Variants in CIB2 observed in about 807,000 individuals in gnomAD.
CIB2 encodes calcium and integrin binding family member 2.
In CIB2, 19 loss-of-function variants were observed where a neutral mutation model predicts 23.1. That is an observed-to-expected ratio of 0.82 (90% CI 0.57 to 1.21). The LOEUF (loss-of-function observed/expected upper bound fraction) is 1.21, where lower values mean the gene tolerates loss of function less well. CIB2 is among the 50% of genes most tolerant of loss of function. The pLI is 0.00. For missense variants in CIB2, 220 were observed against 241.5 expected, an observed-to-expected ratio of 0.91 and a Z score of 0.59; for synonymous variants, 94 against 91.7, an observed-to-expected ratio of 1.03 and a Z score of -0.14.
At position 78,106,447 on chromosome 15, in the gene CIB2, C is replaced by T. The variant is rs756564568; in HGVS notation, c.347-513G>A. The stretch of plus-strand genomic sequence containing the variant: ...CTCAGTGGTGTGTGACCAGAAGACA[C>T]GGTGGGTCAGGAGACTCAAAATCAA... On this transcript the variant is annotated intron_variant, in intron 4 of 5. Coordinates refer to ENST00000258930, the MANE Select transcript of CIB2 (RefSeq NM_006383.4). Among the ~76,000 whole-genome samples the T allele has an allele frequency of 3.3e-5, 5 of 152,280 alleles. No homozygotes were observed. In the East Asian group the frequency reaches 9.7e-4, roughly 29 times the overall value.
chr15:78,131,312 G>T lies in CIB2; in HGVS notation c.-97C>A. The T allele has an allele frequency of 9.7e-7, 1 of 1,027,610 alleles. No homozygotes were observed. The highest frequency in any genetic ancestry group is 1.2e-6 in the Non-Finnish European group (1 of 828,214). 63.7% of individuals were successfully genotyped at this position (1,027,610 alleles called of 1,614,324 possible). On this transcript the variant is annotated 5_prime_UTR_variant, in exon 1 of 6. In the 5' UTR this introduces an upstream ATG that the reference lacks. Transcript: ENST00000258930. This position sits in a 1 kb window ranked among gnomAD's most constrained non-coding sequence, Gnocchi z 5.8. ...CGCCCCGTGCCCGCGGCCCTCGGCA[G>T]CCCCGCGGCTGGCAGCGGCCCACGG...
At chr15:78,128,646 ACAC>A (rs1470620169) in intron 1 of CIB2, among the ~76,000 whole-genome samples, 1 of 151,036 alleles carries the variant, frequency 6.6e-6, no homozygotes, top group African/African-American at 2.4e-5. Flanking sequence ...AGCCGAGATC[ACAC>A]CACTGCACTC....
intron 3 of CIB2, among the ~76,000 whole-genome samples, chr15:78,110,939 T>C (rs759215891): frequency 3.3e-5 from 5 of 152,206 alleles, no homozygotes; most frequent in Non-Finnish European, 7.4e-5. Context: ...CACAAGCCCA[T>C]GGCCTGCAGT....
chr15:78,131,146 C>A lies in CIB2; in HGVS notation c.51+19G>T, dbSNP rs2074449600. ...GGGGCGGCGGGGCCTGTGTTGGGGG[C>A]CGGGCGCGCCGAGCTCACCTGGTAG... On this transcript the variant is annotated intron_variant, in intron 1 of 5. Coordinates refer to ENST00000258930, the MANE Select transcript of CIB2 (RefSeq NM_006383.4). This position sits in a 1 kb window ranked among gnomAD's most constrained non-coding sequence, Gnocchi z 5.8. 3.8e-6 allele frequency: 6 copies of A among 1,574,352 alleles called. No individual in the cohort carries two copies. The African/African-American group carries it at 5.4e-5, about 14-fold the overall frequency.
At chr15:78,128,561 C>T (rs1400521798) in intron 1 of CIB2, among the ~76,000 whole-genome samples, 1 of 152,074 alleles carries the variant, frequency 6.6e-6, no homozygotes, top group Non-Finnish European at 1.5e-5. Context: ...CCTGTAATCC[C>T]AGCTACTTGG....
chr15:78,107,167 G>A lies in CIB2; in HGVS notation c.347-1233C>T, dbSNP rs148770043. Among the ~76,000 whole-genome samples the A allele has an allele frequency of 7.7e-3, 1,178 of 152,192 alleles. 19 individuals are homozygous for A. Among genetic ancestry groups the A allele is most frequent in the African/African-American group, 0.027 (1,114 of 41,526 alleles). ...GGAGAATGGCGTGAACCCAGGAGGC[G>A]GAGCTTGCAGTGAGCTGAGATCGCA... is the stretch of plus-strand genomic sequence containing the variant. On this transcript the variant is annotated intron_variant, in intron 4 of 5. Coordinates refer to ENST00000258930, the MANE Select transcript of CIB2 (RefSeq NM_006383.4).
intron 4 of CIB2, among the ~76,000 whole-genome samples, chr15:78,108,438 G>T (rs1487436250): frequency 6.6e-6 from 1 of 152,114 alleles, no homozygotes; most frequent in African/African-American, 2.4e-5. Context: ...CCAGCAGAGG[G>T]GGTGAGCTCG....
chr15:78,111,349 C>T (rs897373243), intron 2 of CIB2, 73 bp from the exon 3 acceptor site: 3 of 1,232,794 alleles, frequency 2.4e-6, no homozygotes, highest in Non-Finnish European at 3.5e-6. Context: ...TGCTGTCCTG[C>T]CTAGGCCTCT....
intron 1 of CIB2, among the ~76,000 whole-genome samples, chr15:78,128,338 T>C (rs1404013014): frequency 2.0e-5 from 3 of 152,088 alleles, no homozygotes; most frequent in Non-Finnish European, 4.4e-5. Context: ...CTAGAAGCCC[T>C]TCAGTGTGCC....
intron 4 of CIB2, among the ~76,000 whole-genome samples, chr15:78,108,517 C>A (rs899225423): frequency 1.3e-5 from 2 of 152,160 alleles, no homozygotes; most frequent in African/African-American, 4.8e-5. Flanking sequence ...TGCCCGCCGC[C>A]CTCTGGTGGC....
chr15:78,107,801 T>G (rs2074093339), intron 4 of CIB2, among the ~76,000 whole-genome samples: 1 of 152,216 alleles, frequency 6.6e-6, no homozygotes, highest in Non-Finnish European at 1.5e-5. Context: ...GGCAGGTATT[T>G]TCTTTCTAAT....
Position 78,105,163 on chromosome 15 carries a change from T to A in CIB2, c.*148A>T. On this transcript the variant is annotated 3_prime_UTR_variant, in exon 6 of 6. Transcript: ENST00000258930. ...CACAGGCCCCCTTCCTGGTTAAGGT[T>A]TTTTTTTTGCTGAAAGGGCCACAGG... The A allele has an allele frequency of 3.5e-6, 4 of 1,128,716 alleles. No homozygotes were observed. Among genetic ancestry groups the A allele is most frequent in the Non-Finnish European group, 5.1e-6 (4 of 791,730 alleles). The allele number at this position is 1,128,716 out of a possible 1,614,324, so 69.9% of individuals were successfully genotyped here.
At chr15:78,125,902 C>A (rs1290480268) in intron 1 of CIB2, among the ~76,000 whole-genome samples, 1 of 152,184 alleles carries the variant, frequency 6.6e-6, no homozygotes, top group African/African-American at 2.4e-5. Flanking sequence ...CAACGTGCAA[C>A]CCAGGCTGAA....
chr15:78,116,002 G>A lies in CIB2; in HGVS notation c.87-4726C>T, dbSNP rs1203981217. Among the ~76,000 whole-genome samples the A allele has an allele frequency of 1.7e-4, 25 of 148,578 alleles. No individual in the cohort carries two copies. The East Asian group carries it at 4.7e-3, about 28-fold the overall frequency. ...GTCAACTGAAGACAGAAAATATTTG[G>A]AAAAAAAAAATTGCATCTACGCTAA... On this transcript the variant is annotated intron_variant, in intron 2 of 5. Transcript: ENST00000258930.
rs765275802 is a variant in CIB2 at position 78,105,300 on chromosome 15, C to A, written c.*11G>T. Reference sequence around the variant, plus strand: ...GTGGACTTCTAGGCCCCTACAGCCTCGGCAGTGTCCTCAGATCCGGATGTG... The same window carrying A: ...GTGGACTTCTAGGCCCCTACAGCCTAGGCAGTGTCCTCAGATCCGGATGTG... On this transcript the variant is annotated 3_prime_UTR_variant, in exon 6 of 6. Transcript: ENST00000258930. 6.2e-7 allele frequency: 1 copy of A among 1,613,822 alleles called. No homozygotes were observed.
intron 2 of CIB2, among the ~76,000 whole-genome samples, chr15:78,115,325 T>C (rs1206147790): frequency 6.6e-6 from 1 of 152,158 alleles, no homozygotes; most frequent in African/African-American, 2.4e-5. Context: ...TGGCGCAATC[T>C]TGGCTCACTG....
At chr15:78,116,480 T>A (rs887599369) in intron 2 of CIB2, among the ~76,000 whole-genome samples, 41 of 150,530 alleles carry the variant, frequency 2.7e-4, no homozygotes, top group African/African-American at 8.1e-4. Context: ...AAAAAAAAAA[T>A]TATACAGAAG....
At chr15:78,125,222 G>A (rs1440782568) in intron 1 of CIB2, among the ~76,000 whole-genome samples, 1 of 152,212 alleles carries the variant, frequency 6.6e-6, no homozygotes, top group Non-Finnish European at 1.5e-5. Flanking sequence ...ACAGGCTGGA[G>A]ACACAGTGGG....
chr15:78,109,525 A>G (rs1401047604), intron 3 of CIB2, 143 bp from the exon 4 acceptor site: 5 of 853,648 alleles, frequency 5.9e-6, no homozygotes, highest in Non-Finnish European at 7.7e-6. Flanking sequence ...AAAAGGGAAT[A>G]ATAATAACAC....
Sources: allele counts gnomAD v4.1 joint callset (sites outside exome capture counted in the v4.1 genomes callset), GRCh38; gene constraint gnomAD v4.1.1; non-coding constraint Gnocchi (gnomAD v3.1); transcripts MANE v1.5; gene names NCBI Gene and HGNC (gene_info 2026-07-23, HGNC 2026-07-21).